The following CENPM variants were observed in gnomAD, a reference collection of about 807,000 sequenced individuals.
CENPM encodes centromere protein M, also known as interphase centromere complex protein 39.
A neutral mutation model predicts 19.6 loss-of-function variants in CENPM; 14 were observed. The ratio of observed to expected loss-of-function variants is 0.71; its 90% CI spans 0.47 to 1.11. The LOEUF (loss-of-function observed/expected upper bound fraction) is 1.11. Ranked by LOEUF, CENPM falls within the 50% of genes most tolerant of loss-of-function variation. The pLI is 0.00. For synonymous variants in CENPM, 114 were observed against 101.5 expected (o/e 1.12, Z -0.74); for missense variants, 239 against 228.4 (o/e 1.05, Z -0.30).
Position 41,940,237 on chromosome 22 carries a change from CTTTA to C in CENPM, c.403-1045_403-1042del, listed in dbSNP as rs2077727257. On this transcript the variant is annotated intron_variant, in intron 5 of 5. Coordinates refer to ENST00000215980, the MANE Select transcript of CENPM (RefSeq NM_024053.5). ...GCCTGCCTGCCTACTTCCTTCAGGT[CTTTA>C]TTTATTTAGAAGTCCTGTTTGCAGG... is the stretch of plus-strand genomic sequence containing the variant. The C allele has an allele frequency of 1.2e-5, 9 of 721,834 alleles. 1 individual carries two copies. Among genetic ancestry groups the C allele is most frequent in the African/African-American group, 3.5e-5 (2 of 57,372 alleles). The allele number at this position is 721,834 out of a possible 1,614,324, so 44.7% of individuals were successfully genotyped here.
chr22:41,935,607 C>G (rs1249088439), downstream of CENPM, among the ~76,000 whole-genome samples: 1 of 152,174 alleles, frequency 6.6e-6, no homozygotes, highest in Non-Finnish European at 1.5e-5. Flanking sequence ...CAAGCAGAGG[C>G]TGGCTTCCCC....
chr22:41,946,091 G>A, intron 2 of CENPM, 86 bp from the exon 3 acceptor site: 4 of 1,171,148 alleles, frequency 3.4e-6, no homozygotes, highest in Non-Finnish European at 5.0e-6. Context: ...GTGGAAAGAG[G>A]CCGTCAAGGG....
downstream of CENPM, among the ~76,000 whole-genome samples, chr22:41,934,093 G>A (rs1205433608): frequency 2.0e-5 from 3 of 152,202 alleles, no homozygotes; most frequent in African/African-American, 7.2e-5. Flanking sequence ...GGACTCGGAG[G>A]CTGCTCCTGT....
At chr22:41,946,047 C>A (rs369429864) in intron 2 of CENPM, 42 bp from the exon 3 acceptor site, 23 of 1,523,074 alleles carry the variant, frequency 1.5e-5, no homozygotes, top group African/African-American at 4.1e-5. Context: ...ATCCGTACCC[C>A]CCTCATAGCG....
intron 1 of CENPM, 33 bp from the exon 2 acceptor site, chr22:41,946,529 C>G (rs1398047515): frequency 1.9e-6 from 3 of 1,587,902 alleles, no homozygotes; most frequent in Non-Finnish European, 2.6e-6. Flanking sequence ...CAGTCGAGCC[C>G]TAGGCACAGC....
chr22:41,943,791 C>G, intron 4 of CENPM, 90 bp from the exon 5 acceptor site: 5 of 1,126,328 alleles, frequency 4.4e-6, no homozygotes, highest in Non-Finnish European at 6.4e-6. Context: ...CACTTCCCCA[C>G]TCTGGGGCTC....
chr22:41,940,715 T>C lies in CENPM; in HGVS notation c.403-1519A>G, dbSNP rs1602387041. 2.0e-5 allele frequency among the ~76,000 whole-genome samples: 3 copies of C among 152,318 alleles called. No homozygotes were observed. The South Asian group carries it at 6.2e-4, about 32-fold the overall frequency. On this transcript the variant is annotated intron_variant, in intron 5 of 5. Transcript: ENST00000215980. ...TTTTTGACTCTTTTGTTCTGTGCTG[T>C]GTCCCTGGAGCCTAGAACAGTGGTC... is the stretch of plus-strand genomic sequence containing the variant.
At chr22:41,939,834 G>A (rs1447703086) in intron 5 of CENPM, among the ~76,000 whole-genome samples, 1 of 30,924 alleles carries the variant, frequency 3.2e-5, no homozygotes, top group African/African-American at 1.4e-4. Context: ...AAGAAAGAAA[G>A]AAAGAAAAAG....
the CENPM span, among the ~76,000 whole-genome samples, chr22:41,931,342 C>T: frequency 2.8e-4 from 43 of 150,970 alleles, no homozygotes; most frequent in Non-Finnish European, 5.3e-4. Context: ...AGCCGGGTGT[C>T]GTAGCTGGCG....
chr22:41,932,146 G>T, the CENPM span, among the ~76,000 whole-genome samples: 1 of 152,226 alleles, frequency 6.6e-6, no homozygotes, highest in Admixed American at 6.5e-5. This position sits in a 1 kb window ranked among gnomAD's most constrained non-coding sequence, Gnocchi z 4.3. Flanking sequence ...GCTGGGTTGG[G>T]CCTGCAGGGC....
the CENPM span, among the ~76,000 whole-genome samples, chr22:41,931,503 A>AAT: frequency 6.6e-5 from 10 of 152,140 alleles, no homozygotes; most frequent in East Asian, 1.9e-3. Flanking sequence ...ATAATAATAA[A>AAT]ATAACAAGAT....
Position 41,945,161 on chromosome 22 carries a change from C to T in CENPM, c.310+64G>A, listed in dbSNP as rs756704174. 7 of 1,610,274 alleles carry T rather than the reference C, an allele frequency of 4.3e-6. No individual in the cohort carries two copies. The South Asian group carries it at 5.5e-5, about 13-fold the overall frequency. ...TCACCCAGGGTGCCTCAGCAAGAAGCCTACGGCCGCCCCAGCTTTCCCTTG... is the reference window on the plus strand; with the variant it reads ...TCACCCAGGGTGCCTCAGCAAGAAGTCTACGGCCGCCCCAGCTTTCCCTTG... On this transcript the variant is annotated intron_variant, in intron 4 of 5. Coordinates refer to ENST00000215980, the MANE Select transcript of CENPM (RefSeq NM_024053.5).
downstream of CENPM, among the ~76,000 whole-genome samples, chr22:41,937,154 C>A (rs912368758): frequency 1.3e-5 from 2 of 152,148 alleles, no homozygotes; most frequent in African/African-American, 4.8e-5. Context: ...TCCAATTAGA[C>A]CCAAGGGAGA....
At chr22:41,936,788 C>A (rs1262951092), downstream of CENPM, among the ~76,000 whole-genome samples, 1 of 152,160 alleles carries the variant, frequency 6.6e-6, no homozygotes, top group African/African-American at 2.4e-5. Context: ...ATTAGCTGGG[C>A]ATGGTGGCGT....
downstream of CENPM, chr22:41,938,657 A>G (rs1231876865): frequency 6.0e-6 from 1 of 167,904 alleles, no homozygotes; most frequent in Non-Finnish European, 1.3e-5. Context: ...GAGCCTCTGC[A>G]CCTGGCCCAC....
chr22:41,943,620 C>T lies in CENPM; in HGVS notation c.392G>A (p.Cys131Tyr), dbSNP rs774192787. The change falls in exon 5 of 6, where the codon TGT (cysteine) becomes TAT (tyrosine). Residue 131 changes from cysteine (C) to tyrosine (Y), a missense_variant. Cys to Tyr is a radical substitution (Grantham distance 194). Transcript: ENST00000215980. Reference sequence around the variant, plus strand: ...GATCAGCATGCTCACCTCCAGGTCACAGTAGAGCAGGGGGCTTTGATAGGT... The same window carrying T: ...GATCAGCATGCTCACCTCCAGGTCATAGTAGAGCAGGGGGCTTTGATAGGT... ...AHTYQSPLLYCDLEVEGFRAT... is the reference protein window; with the variant it reads ...AHTYQSPLLYYDLEVEGFRAT... 2.2e-5 allele frequency: 35 copies of T among 1,613,402 alleles called. No homozygotes were observed. Among genetic ancestry groups the T allele is most frequent in the Non-Finnish European group, 2.9e-5 (34 of 1,179,710 alleles).
chr22:41,944,358 C>T (rs1362494901), intron 4 of CENPM, among the ~76,000 whole-genome samples: 1 of 148,760 alleles, frequency 6.7e-6, no homozygotes, highest in African/African-American at 2.5e-5. Flanking sequence ...ATTGCTTGAA[C>T]CAGGGAGACG....
intron 5 of CENPM, among the ~76,000 whole-genome samples, chr22:41,942,477 G>A (rs538998721): frequency 1.3e-4 from 20 of 152,190 alleles, no homozygotes; most frequent in African/African-American, 4.6e-4. Context: ...GTGGCCGGGT[G>A]CAGTGGCTCA....
At chr22:41,929,200 C>T in the CENPM span, among the ~76,000 whole-genome samples, 1 of 152,038 alleles carries the variant, frequency 6.6e-6, no homozygotes, top group African/African-American at 2.4e-5. Flanking sequence ...CAGGGAAGGC[C>T]TCTCTGTGAG....
Sources: gnomAD v4.1 joint callset for allele counts (sites outside exome capture counted in the v4.1 genomes callset) on GRCh38, gnomAD v4.1.1 for gene constraint, Gnocchi (gnomAD v3.1) non-coding constraint, MANE v1.5 for transcripts, NCBI Gene and HGNC (gene_info 2026-07-23, HGNC 2026-07-21) for gene names.